Variants in IFTAP observed in about 807,000 individuals in gnomAD.
IFTAP encodes the protein intraflagellar transport-associated protein.
A neutral mutation model predicts 19.4 loss-of-function variants in IFTAP; 19 were observed. The ratio of observed to expected loss-of-function variants is 0.98; its 90% confidence interval spans 0.68 to 1.44. The LOEUF (loss-of-function observed/expected upper bound fraction) is 1.44, where lower values mean the gene tolerates loss of function less well. IFTAP is among the 40% of genes most tolerant of loss of function. The pLI, the probability that IFTAP is intolerant of heterozygous loss-of-function variation, is 0.00. For missense variants in IFTAP, 240 were observed against 253.6 expected (o/e 0.95, Z 0.36); for synonymous variants, 85 against 83.5 (o/e 1.02, Z -0.10).
chr11:36,652,279 G>C (rs1447984240), intron 5 of IFTAP, among the ~76,000 whole-genome samples: 4 of 152,168 alleles, frequency 2.6e-5, no homozygotes, highest in Non-Finnish European at 5.9e-5. Flanking sequence ...TCCCTTGTAA[G>C]TTGGATTCCT....
Position 36,657,462 on chromosome 11 carries a change from A to C in IFTAP, c.499-1557A>C, listed in dbSNP as rs1319755474. Among the ~76,000 whole-genome samples, 6 of 152,158 alleles carry C rather than the reference A, an allele frequency of 3.9e-5. No homozygotes were observed. The East Asian group carries it at 1.2e-3, about 29-fold the overall frequency. On this transcript the variant is annotated intron_variant, in intron 5 of 5. Coordinates refer to ENST00000334307, the MANE Select transcript of IFTAP (RefSeq NM_138787.4). ...TGGGTTTTAAGATAGTCATGGTATT[A>C]CATGTAGCCTTGAGTACAGTTTTCT...
At chr11:36,624,039 A>T (rs1412694752) in intron 2 of IFTAP, among the ~76,000 whole-genome samples, 2 of 152,106 alleles carry the variant, frequency 1.3e-5, no homozygotes, top group African/African-American at 4.8e-5. Flanking sequence ...TTCCAGGAAA[A>T]CCACTTTAAA....
intron 5 of IFTAP, among the ~76,000 whole-genome samples, chr11:36,655,208 A>G (rs759081631): frequency 1.6e-4 from 25 of 152,124 alleles, no homozygotes; most frequent in Non-Finnish European, 2.9e-4. Context: ...CAGACTCACA[A>G]ATATGAAATT....
rs962806648 is a variant in IFTAP at position 36,629,189 on chromosome 11, A to G, written c.137-4095A>G. ...AAATCAAGAGCAAATATTATTGTCC[A>G]GAGAAACATTGCTCTAGGCAAGGAG... On this transcript the variant is annotated intron_variant, in intron 2 of 5. Coordinates refer to ENST00000334307, the MANE Select transcript of IFTAP (RefSeq NM_138787.4). Among the ~76,000 whole-genome samples, 18 of 151,292 alleles carry G rather than the reference A, an allele frequency of 1.2e-4. 2 individuals carry two copies. The highest frequency in any genetic ancestry group is 4.4e-4 in the African/African-American group (18 of 40,566).
chr11:36,603,008 A>G (rs1215944940), intron 1 of IFTAP, among the ~76,000 whole-genome samples: 1 of 152,104 alleles, frequency 6.6e-6, no homozygotes, highest in Non-Finnish European at 1.5e-5. Flanking sequence ...ATTGGTTTGC[A>G]TTTTTCTTTG....
At chr11:36,643,659 A>G (rs1048323999) in intron 4 of IFTAP, among the ~76,000 whole-genome samples, 3 of 152,178 alleles carry the variant, frequency 2.0e-5, no homozygotes, top group Non-Finnish European at 2.9e-5. Flanking sequence ...GATATAGACC[A>G]ATGGAAAAGA....
At chr11:36,636,157 TC>T in intron 4 of IFTAP, 40 bp downstream of exon 4, 1 of 1,458,640 alleles carries the variant, frequency 6.9e-7, no homozygotes, top group Non-Finnish European at 9.6e-7. Flanking sequence ...CTGACCTCTT[TC>T]TAGAAACTAC....
At chr11:36,610,989 C>T (rs1391543) in intron 2 of IFTAP, among the ~76,000 whole-genome samples, 17,256 of 152,074 alleles carry the variant, frequency 0.11, 1,148 homozygotes, top group African/African-American at 0.17. Flanking sequence ...TAATTTTACA[C>T]GAAAATCTTG....
intron 5 of IFTAP, among the ~76,000 whole-genome samples, chr11:36,653,285 A>T (rs187122017): frequency 1.3e-5 from 2 of 152,184 alleles, no homozygotes; most frequent in East Asian, 3.9e-4. Flanking sequence ...TTTTAAGGGG[A>T]CTCAAAGTTT....
intron 1 of IFTAP, among the ~76,000 whole-genome samples, chr11:36,602,759 C>T (rs1310708198): frequency 1.3e-5 from 2 of 151,648 alleles, no homozygotes; most frequent in African/African-American, 2.4e-5. Flanking sequence ...GGTCAGTTAG[C>T]GTGCTTATAG....
At chr11:36,637,947 C>A (rs944330343) in intron 4 of IFTAP, among the ~76,000 whole-genome samples, 1 of 150,956 alleles carries the variant, frequency 6.6e-6, no homozygotes, top group African/African-American at 2.4e-5. Flanking sequence ...ATGGCATGAT[C>A]TCAGCTCACT....
intron 5 of IFTAP, among the ~76,000 whole-genome samples, chr11:36,650,031 A>G (rs1336603579): frequency 6.6e-6 from 1 of 152,116 alleles, no homozygotes; most frequent in African/African-American, 2.4e-5. Flanking sequence ...ATATTCTGCA[A>G]CCCTTCCAAA....
chr11:36,641,280 T>C (rs1853184685), intron 4 of IFTAP, among the ~76,000 whole-genome samples: 2 of 152,140 alleles, frequency 1.3e-5, no homozygotes, highest in Admixed American at 6.5e-5. Flanking sequence ...AAAATACTTA[T>C]TTTAATATGT....
intron 4 of IFTAP, among the ~76,000 whole-genome samples, chr11:36,647,421 G>C (rs892242422): frequency 6.6e-6 from 1 of 152,120 alleles, no homozygotes; most frequent in East Asian, 1.9e-4. Context: ...ACCAAGATGG[G>C]TTATTGAATT....
chr11:36,609,354 C>T (rs560436572), intron 1 of IFTAP, among the ~76,000 whole-genome samples: 3 of 152,138 alleles, frequency 2.0e-5, no homozygotes, highest in Admixed American at 6.5e-5. Flanking sequence ...TTCAGTACAA[C>T]CTCAGGGGCT....
At chr11:36,600,457 G>T (rs1024368166) in intron 1 of IFTAP, among the ~76,000 whole-genome samples, 2 of 152,232 alleles carry the variant, frequency 1.3e-5, no homozygotes, top group Non-Finnish European at 2.9e-5. Context: ...AGCTGTGCAT[G>T]TGAGGGAGCT....
intron 3 of IFTAP, 132 bp downstream of exon 3, chr11:36,633,570 A>G: frequency 3.3e-6 from 2 of 605,708 alleles, no homozygotes; most frequent in Non-Finnish European, 4.9e-6. Flanking sequence ...AAGGAGTGCC[A>G]TTGGGGCACT....
intron 4 of IFTAP, among the ~76,000 whole-genome samples, chr11:36,643,064 A>T (rs1182578518): frequency 6.6e-6 from 1 of 152,242 alleles, no homozygotes; most frequent in Non-Finnish European, 1.5e-5. Context: ...GAGGAAGTCA[A>T]ATTGTCCCTG....
intron 5 of IFTAP, chr11:36,648,449 CT>C: frequency 4.2e-6 from 1 of 237,094 alleles, no homozygotes; most frequent in Non-Finnish European, 8.1e-6. Flanking sequence ...TTTTCTTGCC[CT>C]TTTTAGTTTG....
Sources: allele counts gnomAD v4.1 joint callset (sites outside exome capture counted in the v4.1 genomes callset), GRCh38; gene constraint gnomAD v4.1.1; transcripts MANE v1.5; gene names NCBI Gene and HGNC (gene_info 2026-07-23, HGNC 2026-07-21).